ZFYVE9: variants seen among roughly 807,000 people sequenced by gnomAD.
ZFYVE9 encodes zinc finger FYVE-type containing 9.
A neutral mutation model predicts 126.7 loss-of-function variants in ZFYVE9; 43 were observed. The observed-to-expected ratio is 0.34, with a 90% CI of 0.27 to 0.44. ZFYVE9 has a LOEUF of 0.44. ZFYVE9 is among the 20% of genes least tolerant of loss of function. ZFYVE9 has a pLI of 1.00. For missense variants in ZFYVE9, 1,476 were observed against 1,697.0 expected (o/e 0.87, Z 2.29); for synonymous variants, 521 against 597.4 (o/e 0.87, Z 1.87).
chr1:52,300,940 A>G lies in ZFYVE9; in HGVS notation c.3334-2881A>G, dbSNP rs1345447281. The stretch of plus-strand genomic sequence containing the variant: ...AGTGGCACAATCTCGGCTCACTGCA[A>G]CTTCCACCTCCCGGGCTCAAGCAAT... On this transcript the variant is annotated intron_variant, in intron 12 of 18. Transcript: ENST00000287727. 2.0e-5 allele frequency among the ~76,000 whole-genome samples: 3 copies of G among 149,798 alleles called. 1 individual carries two copies. The South Asian group carries it at 6.4e-4, about 32-fold the overall frequency.
intron 13 of ZFYVE9, among the ~76,000 whole-genome samples, chr1:52,327,127 C>T (rs1016751461): frequency 5.3e-5 from 8 of 152,062 alleles, no homozygotes; most frequent in Non-Finnish European, 1.0e-4. Flanking sequence ...CACCACTACA[C>T]TCCAGCCTGG....
Position 52,331,871 on chromosome 1 carries a change from C to T in ZFYVE9, c.3439-897C>T, listed in dbSNP as rs557007554. On this transcript the variant is annotated intron_variant, in intron 13 of 18. Coordinates refer to ENST00000287727, the MANE Select transcript of ZFYVE9 (RefSeq NM_004799.4). ...TTGGCTCACTGCAAGCTCCGCCTCC[C>T]GGGTTCATGCCATTCGCCTGCCTCA... Among the ~76,000 whole-genome samples, 5 of 150,948 alleles carry T rather than the reference C, an allele frequency of 3.3e-5. No homozygotes were observed. In the South Asian group the frequency reaches 6.3e-4, roughly 19 times the overall value.
At chr1:52,246,673 G>A (rs1218285405) in intron 4 of ZFYVE9, among the ~76,000 whole-genome samples, 2 of 146,950 alleles carry the variant, frequency 1.4e-5, no homozygotes, top group South Asian at 2.2e-4. Context: ...CTGGGGCTAC[G>A]AGCATGTGCC....
intron 1 of ZFYVE9, chr1:52,160,398 T>G (rs1446153215): frequency 1.8e-6 from 2 of 1,102,074 alleles, no homozygotes; most frequent in African/African-American, 3.1e-5. Flanking sequence ...GACACCAACT[T>G]TGGGACACTT....
intron 1 of ZFYVE9, among the ~76,000 whole-genome samples, chr1:52,182,448 A>AC (rs975336349): frequency 5.3e-5 from 8 of 152,166 alleles, no homozygotes; most frequent in Admixed American, 2.6e-4. Flanking sequence ...CTATGACCTT[A>AC]CCCCGAACCC....
chr1:52,189,435 T>A (rs1433206958), intron 1 of ZFYVE9, among the ~76,000 whole-genome samples: 1 of 151,396 alleles, frequency 6.6e-6, no homozygotes, highest in African/African-American at 2.4e-5. Context: ...TGGGGTTTTG[T>A]CATGTTGGCC....
Position 52,188,182 on chromosome 1 carries a change from C to T in ZFYVE9, c.-142-28187C>T, listed in dbSNP as rs551444713. On this transcript the variant is annotated intron_variant, in intron 1 of 18. Transcript: ENST00000287727. Reference sequence around the variant, plus strand: ...TGAGACCATATGCTGTGCAGGAACACGGATGGAGCTGGAGGCCGTTGTACT... The same window carrying T: ...TGAGACCATATGCTGTGCAGGAACATGGATGGAGCTGGAGGCCGTTGTACT... Among the ~76,000 whole-genome samples, 52 of 151,890 alleles carry T rather than the reference C, an allele frequency of 3.4e-4. 1 individual carries two copies. Among genetic ancestry groups the T allele is most frequent in the Admixed American group, 3.2e-3 (49 of 15,218 alleles).
intron 13 of ZFYVE9, among the ~76,000 whole-genome samples, chr1:52,325,418 G>A (rs1005259954): frequency 6.6e-6 from 1 of 152,184 alleles, no homozygotes; most frequent in Non-Finnish European, 1.5e-5. Context: ...TTCTTGGGAG[G>A]TTGAGGTGGG....
At chr1:52,308,267 A>G (rs1314121046) in intron 13 of ZFYVE9, among the ~76,000 whole-genome samples, 1 of 151,862 alleles carries the variant, frequency 6.6e-6, no homozygotes, top group East Asian at 1.9e-4. Flanking sequence ...TGCAGTCTCA[A>G]CTTCCTGGGC....
At chr1:52,336,832 A>G (rs977690514) in intron 15 of ZFYVE9, among the ~76,000 whole-genome samples, 1 of 151,800 alleles carries the variant, frequency 6.6e-6, no homozygotes, top group Non-Finnish European at 1.5e-5. Flanking sequence ...CTATAGTACC[A>G]GCTACTTGGG....
intron 1 of ZFYVE9, among the ~76,000 whole-genome samples, chr1:52,158,284 G>A (rs1644421638): frequency 6.6e-6 from 1 of 152,148 alleles, no homozygotes; most frequent in East Asian, 1.9e-4. Flanking sequence ...ATTCTTTTGG[G>A]GATTATAGTC....
intron 5 of ZFYVE9, among the ~76,000 whole-genome samples, chr1:52,264,500 G>T (rs1434250164): frequency 6.6e-6 from 1 of 152,142 alleles, no homozygotes; most frequent in Non-Finnish European, 1.5e-5. Context: ...TCTTTTGCTG[G>T]ACTGGAAATG....
intron 4 of ZFYVE9, among the ~76,000 whole-genome samples, chr1:52,260,430 A>G (rs191554460): frequency 4.0e-4 from 61 of 152,262 alleles, no homozygotes; most frequent in Admixed American, 6.5e-4. Context: ...GTAGCTCATT[A>G]AGGTTTCCCA....
intron 13 of ZFYVE9, among the ~76,000 whole-genome samples, chr1:52,320,952 C>A (rs1267040923): frequency 6.6e-6 from 1 of 151,932 alleles, no homozygotes. Flanking sequence ...AGTGATATAG[C>A]CAAAGAGTTA....
At chr1:52,222,193 A>G (rs1190441555) in intron 2 of ZFYVE9, among the ~76,000 whole-genome samples, 5 of 152,212 alleles carry the variant, frequency 3.3e-5, no homozygotes, top group Non-Finnish European at 7.3e-5. Flanking sequence ...TGAGCAGGTC[A>G]TCCACATATT....
Position 52,239,267 on chromosome 1 carries a change from T to C in ZFYVE9, c.1850T>C (p.Ile617Thr). Residue 617 changes from isoleucine to threonine, a missense_variant, in exon 4 of 19, where the codon ATT (isoleucine) becomes ACT (threonine). Physicochemically the swap from Ile to Thr is moderately conservative, Grantham distance 89. Around this residue, in one of 2 missense-constraint regions of ZFYVE9, gnomAD observed 807 missense variants for 794.6 expected, o/e 1.02. Coordinates refer to ENST00000287727, the MANE Select transcript of ZFYVE9 (RefSeq NM_004799.4). ...AATAATACTAAAAATAAAAATGATA[T>C]TCTTGGGAAAGCAAAATTAGGGGAA... is the stretch of plus-strand genomic sequence containing the variant. ...SGNNTKNKND[I>T]LGKAKLGENS... 2 of 1,614,164 alleles carry C rather than the reference T, an allele frequency of 1.2e-6. No homozygotes were observed. Among genetic ancestry groups the C allele is most frequent in the Non-Finnish European group, 1.7e-6 (2 of 1,180,018 alleles).
intron 13 of ZFYVE9, among the ~76,000 whole-genome samples, chr1:52,324,872 C>T (rs185971856): frequency 2.0e-5 from 3 of 152,296 alleles, no homozygotes; most frequent in African/African-American, 7.2e-5. Context: ...CAGTGGCTCA[C>T]GCCTGTCGTT....
At chr1:52,206,736 G>C (rs781305670) in intron 1 of ZFYVE9, among the ~76,000 whole-genome samples, 1 of 152,150 alleles carries the variant, frequency 6.6e-6, no homozygotes, top group African/African-American at 2.4e-5. Context: ...TTTTAGCAGA[G>C]ACGGGGTTTC....
intron 4 of ZFYVE9, among the ~76,000 whole-genome samples, chr1:52,255,100 A>T (rs1370765942): frequency 2.6e-5 from 4 of 152,046 alleles, no homozygotes; most frequent in Non-Finnish European, 5.9e-5. Flanking sequence ...CAAAAAAAAA[A>T]AAAAAAGGTT....
Sources: allele counts gnomAD v4.1 joint callset (sites outside exome capture counted in the v4.1 genomes callset), GRCh38; gene constraint gnomAD v4.1.1; regional missense constraint gnomAD v4.1.1; transcripts MANE v1.5; gene names NCBI Gene and HGNC (gene_info 2026-07-23, HGNC 2026-07-21).